BACE2: variants seen among roughly 807,000 people sequenced by gnomAD.
The protein encoded by BACE2 is 56 kDa aspartic-like protease.
In BACE2, 17 loss-of-function variants were observed where a neutral mutation model predicts 46.2. The ratio of observed to expected loss-of-function variants is 0.37; its 90% confidence interval spans 0.25 to 0.55. BACE2 has a LOEUF of 0.55. BACE2 is among the 20% of genes least tolerant of loss of function. The probability of loss-of-function intolerance (pLI) is 0.82; values close to 1 mark genes in which losing one functional copy is unlikely to be tolerated. For synonymous variants in BACE2, 277 were observed against 295.9 expected, an observed-to-expected ratio of 0.94 and a Z score of 0.66; for missense variants, 595 against 698.1, an observed-to-expected ratio of 0.85 and a Z score of 1.66.
intron 2 of BACE2, among the ~76,000 whole-genome samples, chr21:41,228,976 A>T (rs1601289023): frequency 6.6e-6 from 1 of 152,220 alleles, no homozygotes; most frequent in East Asian, 1.9e-4. Flanking sequence ...GATTTCACCC[A>T]TGTTGATGCC....
At chr21:41,217,668 G>A (rs1005014397) in intron 1 of BACE2, among the ~76,000 whole-genome samples, 3 of 152,218 alleles carry the variant, frequency 2.0e-5, no homozygotes, top group Admixed American at 6.5e-5. Flanking sequence ...GATGGTTTAG[G>A]TCCCGGCCCT....
intron 1 of BACE2, among the ~76,000 whole-genome samples, chr21:41,174,435 G>A (rs796608996): frequency 1.3e-5 from 2 of 151,946 alleles, no homozygotes; most frequent in Admixed American, 1.3e-4. Flanking sequence ...GCCACCGCGC[G>A]GCCAAGTGGC....
At chr21:41,272,618 T>G (rs1398132246) in intron 8 of BACE2, among the ~76,000 whole-genome samples, 2 of 152,200 alleles carry the variant, frequency 1.3e-5, no homozygotes, top group Non-Finnish European at 2.9e-5. Context: ...ATTATAATTT[T>G]TATCACTAAA....
chr21:41,274,026 C>T (rs1477666583), intron 8 of BACE2, among the ~76,000 whole-genome samples: 1 of 152,148 alleles, frequency 6.6e-6, no homozygotes, highest in Non-Finnish European at 1.5e-5. Context: ...CAGAGCTTTT[C>T]TTTGTAAATG....
chr21:41,190,263 A>G (rs777569624), intron 1 of BACE2, among the ~76,000 whole-genome samples: 1 of 152,232 alleles, frequency 6.6e-6, no homozygotes, highest in Non-Finnish European at 1.5e-5. Flanking sequence ...AATAAAGACA[A>G]TAATAAGGTC....
intron 2 of BACE2, among the ~76,000 whole-genome samples, chr21:41,230,436 C>A (rs1986938532): frequency 6.6e-6 from 1 of 152,204 alleles, no homozygotes; most frequent in Non-Finnish European, 1.5e-5. Flanking sequence ...TAGAGCTGGC[C>A]TAAGTTATAC....
intron 1 of BACE2, chr21:41,179,602 G>A (rs1601242848): frequency 7.4e-7 from 1 of 1,358,050 alleles, no homozygotes; most frequent in African/African-American, 1.5e-5. Flanking sequence ...GGTGTTTGCA[G>A]TGCTTCAGGC....
chr21:41,215,467 G>T (rs1178221923), intron 1 of BACE2, among the ~76,000 whole-genome samples: 1 of 152,208 alleles, frequency 6.6e-6, no homozygotes, highest in African/African-American at 2.4e-5. Context: ...GTTCAGCACA[G>T]CAAAGACCCA....
chr21:41,267,035 G>A (rs2088384005), intron 8 of BACE2, among the ~76,000 whole-genome samples: 1 of 151,962 alleles, frequency 6.6e-6, no homozygotes, highest in African/African-American at 2.4e-5. Flanking sequence ...TGGGGTGGGG[G>A]GAGCAGTGAG....
At chr21:41,188,814 G>A (rs1216312917) in intron 1 of BACE2, among the ~76,000 whole-genome samples, 1 of 152,186 alleles carries the variant, frequency 6.6e-6, no homozygotes, top group African/African-American at 2.4e-5. Context: ...TCTCCACAGG[G>A]TCCTGCTCAA....
At chr21:41,184,368 A>G (rs564622321) in intron 1 of BACE2, 45 of 167,218 alleles carry the variant, frequency 2.7e-4, no homozygotes, top group African/African-American at 1.1e-3. Flanking sequence ...AGCGGATGAC[A>G]ATATTTGTAA....
At chr21:41,244,874 T>C (rs1987418536) in intron 5 of BACE2, among the ~76,000 whole-genome samples, 1 of 151,888 alleles carries the variant, frequency 6.6e-6, no homozygotes, top group East Asian at 1.9e-4. Context: ...TGTGTGTGTG[T>C]GTGTGTGAGT....
At chr21:41,218,350 A>C (rs1363016280) in intron 1 of BACE2, among the ~76,000 whole-genome samples, 1 of 152,222 alleles carries the variant, frequency 6.6e-6, no homozygotes, top group Non-Finnish European at 1.5e-5. Context: ...ACCCAAATGC[A>C]CAAAACCCAG....
At chr21:41,176,705 C>G (rs976790115) in intron 1 of BACE2, 2 of 152,130 alleles carry the variant, frequency 1.3e-5, no homozygotes, top group Admixed American at 1.3e-4. Context: ...GTGGAAAACA[C>G]GCAGTTTTTT....
At chr21:41,232,010 T>G (rs573713185) in intron 2 of BACE2, among the ~76,000 whole-genome samples, 1 of 149,062 alleles carries the variant, frequency 6.7e-6, no homozygotes, top group Non-Finnish European at 1.5e-5. Context: ...GAATATGAAC[T>G]GAGAATTACC....
chr21:41,179,526 G>A, intron 1 of BACE2: 1 of 1,363,974 alleles, frequency 7.3e-7, no homozygotes, highest in East Asian at 4.6e-5. Context: ...AGGGTGTCCA[G>A]GGTGAGGAGT....
Position 41,282,368 on chromosome 21 carries a change from T to A in BACE2, c.*6744T>A, listed in dbSNP as rs1177987838. 1.3e-5 allele frequency: 2 copies of A among 152,254 alleles called. No individual in the cohort carries two copies. The highest frequency in any genetic ancestry group is 2.9e-5 in the Non-Finnish European group (2 of 68,036). 9.4% of individuals were successfully genotyped at this position (152,254 alleles called of 1,614,324 possible). A position where few individuals can be genotyped will look rare whatever the true frequency, so the allele number is the denominator to read the frequency against. ...ATATTCATTCCATGTTAAAAGTGGC[T>A]TCATAGCTACTGACAAATGTCTGAA... On this transcript the variant is annotated 3_prime_UTR_variant, in exon 9 of 9. Transcript: ENST00000330333.
chr21:41,249,828 T>C (rs1987588699), intron 6 of BACE2, among the ~76,000 whole-genome samples: 1 of 152,202 alleles, frequency 6.6e-6, no homozygotes, highest in Admixed American at 6.5e-5. Flanking sequence ...GCTCGGGGCC[T>C]GCCTGTGAGG....
intron 1 of BACE2, among the ~76,000 whole-genome samples, chr21:41,202,915 C>T (rs996859415): frequency 3.9e-5 from 6 of 152,150 alleles, no homozygotes; most frequent in African/African-American, 1.4e-4. Context: ...ATGATGACCC[C>T]CCAAGATTTT....
Sources: allele counts gnomAD v4.1 joint callset (sites outside exome capture counted in the v4.1 genomes callset), GRCh38; gene constraint gnomAD v4.1.1; transcripts MANE v1.5; gene names NCBI Gene and HGNC (gene_info 2026-07-23, HGNC 2026-07-21).